NBAS: variants seen among roughly 807,000 people sequenced by gnomAD.
NBAS encodes the protein NAG/BC035112 fusion.
In NBAS, 219 loss-of-function variants were observed where a neutral mutation model predicts 302.5. The observed-to-expected ratio is 0.72, with a 90% CI of 0.65 to 0.81. The LOEUF (loss-of-function observed/expected upper bound fraction) is 0.81, where lower values mean the gene tolerates loss of function less well. Among genes scored for constraint, NBAS ranks in the 30% least tolerant of loss-of-function variants. NBAS has a pLI of 0.00. For synonymous variants in NBAS, 1,118 were observed against 1,021.6 expected (o/e 1.09, Z -1.80); for missense variants, 2,932 against 2,841.6 (o/e 1.03, Z -0.72).
At chr2:15,118,166 C>A in the NBAS span, among the ~76,000 whole-genome samples, 1 of 152,236 alleles carries the variant, frequency 6.6e-6, no homozygotes, top group South Asian at 2.1e-4. Context: ...GAGGCTCTAA[C>A]AGGGCTTGAA....
chr2:15,413,918 C>T (rs1449067033), intron 25 of NBAS, among the ~76,000 whole-genome samples: 2 of 152,144 alleles, frequency 1.3e-5, no homozygotes, highest in Non-Finnish European at 2.9e-5. Flanking sequence ...AAAAGGCACA[C>T]GCTAAATTGC....
chr2:15,324,581 C>A (rs972198414), intron 38 of NBAS, among the ~76,000 whole-genome samples: 1 of 152,164 alleles, frequency 6.6e-6, no homozygotes, highest in African/African-American at 2.4e-5. Flanking sequence ...CTCTACAATT[C>A]CAGTGCCTCT....
the NBAS span, among the ~76,000 whole-genome samples, chr2:14,786,885 T>G: frequency 6.6e-6 from 1 of 152,188 alleles, no homozygotes; most frequent in Non-Finnish European, 1.5e-5. Context: ...CTTGTTAACT[T>G]TCTGTCTCAT....
Position 15,475,796 on chromosome 2 carries a change from G to GT in NBAS, c.1231dup (p.Thr411AsnfsTer17), listed in dbSNP as rs1345177148. On this transcript the variant is annotated frameshift_variant, in exon 14 of 52. Coordinates refer to ENST00000281513, the MANE Select transcript of NBAS (RefSeq NM_015909.4). LOFTEE classifies it high-confidence loss of function. The stretch of plus-strand genomic sequence containing the variant: ...CTTCAAAGTTTTCACAGATGAAACA[G>GT]TTAAAGCACCAGAGCATCGAGCTAA... The GT allele has an allele frequency of 5.0e-6, 8 of 1,614,082 alleles. No individual in the cohort carries two copies. Among genetic ancestry groups the GT allele is most frequent in the Non-Finnish European group, 6.8e-6 (8 of 1,179,974 alleles).
the NBAS span, among the ~76,000 whole-genome samples, chr2:14,901,943 C>T: frequency 6.6e-6 from 1 of 152,216 alleles, no homozygotes; most frequent in Non-Finnish European, 1.5e-5. Context: ...CTTGGAAACA[C>T]CCATGGGATC....
the NBAS span, among the ~76,000 whole-genome samples, chr2:15,114,667 T>C: frequency 6.6e-6 from 1 of 152,048 alleles, no homozygotes; most frequent in African/African-American, 2.4e-5. Context: ...CTGGATACTC[T>C]GGGGGGAAGT....
intron 44 of NBAS, among the ~76,000 whole-genome samples, chr2:15,272,670 C>T (rs1669375164): frequency 6.6e-6 from 1 of 152,156 alleles, no homozygotes; most frequent in Admixed American, 6.6e-5. Flanking sequence ...AGTAGAAAAT[C>T]GCCTCTTGAG....
chr2:14,993,734 C>T, the NBAS span, among the ~76,000 whole-genome samples: 1 of 152,204 alleles, frequency 6.6e-6, no homozygotes, highest in African/African-American at 2.4e-5. Flanking sequence ...AACTCAAACA[C>T]TCCTAAATTT....
chr2:14,870,523 C>G, the NBAS span, among the ~76,000 whole-genome samples: 1 of 152,044 alleles, frequency 6.6e-6, no homozygotes, highest in Non-Finnish European at 1.5e-5. Flanking sequence ...ATTGCCTCAG[C>G]AGTGGGCCAA....
chr2:15,250,071 G>C (rs562500484), intron 44 of NBAS, among the ~76,000 whole-genome samples: 5 of 151,902 alleles, frequency 3.3e-5, no homozygotes, highest in Non-Finnish European at 7.4e-5. Flanking sequence ...TATACTACAA[G>C]GCTACAGTAA....
chr2:14,992,617 G>A, the NBAS span, among the ~76,000 whole-genome samples: 2 of 152,322 alleles, frequency 1.3e-5, no homozygotes, highest in East Asian at 3.9e-4. Flanking sequence ...CCAGGCTTGT[G>A]TGGAGTCAGC....
In NBAS at chr2:15,250,482, G is replaced by T. The variant is rs988180451; in HGVS notation, c.5725-11796C>A. 4.6e-5 allele frequency among the ~76,000 whole-genome samples: 7 copies of T among 152,278 alleles called. No homozygotes were observed. The South Asian group carries it at 1.0e-3, about 23-fold the overall frequency. ...ACAAATGGAATCTAACTAAACTAAA[G>T]AGCTTCTGCACAGCAAAAGAAACTA... On this transcript the variant is annotated intron_variant, in intron 44 of 51. Transcript: ENST00000281513.
the NBAS span, among the ~76,000 whole-genome samples, chr2:15,144,055 A>ATATATATTATCC: frequency 9.3e-5 from 13 of 140,344 alleles, no homozygotes; most frequent in South Asian, 9.3e-4. Context: ...AAAAATATAT[A>ATATATATTATCC]TATATATATA....
At chr2:15,371,978 T>C (rs982633178) in intron 31 of NBAS, among the ~76,000 whole-genome samples, 1 of 152,206 alleles carries the variant, frequency 6.6e-6, no homozygotes, top group Admixed American at 6.5e-5. Context: ...TTAGGCACTA[T>C]AAATGAACAG....
At chr2:15,489,946 C>T (rs1040965805) in intron 11 of NBAS, among the ~76,000 whole-genome samples, 1 of 152,314 alleles carries the variant, frequency 6.6e-6, no homozygotes, top group South Asian at 2.1e-4. Context: ...CAGCCCACAA[C>T]CATATCTCTT....
the NBAS span, among the ~76,000 whole-genome samples, chr2:14,998,711 C>T: frequency 1.3e-5 from 2 of 152,140 alleles, no homozygotes; most frequent in Non-Finnish European, 2.9e-5. Context: ...AAATGTGTCT[C>T]ACATACACAC....
the NBAS span, among the ~76,000 whole-genome samples, chr2:15,140,705 T>C: frequency 6.6e-6 from 1 of 152,220 alleles, no homozygotes; most frequent in Non-Finnish European, 1.5e-5. Flanking sequence ...GTGGATATGC[T>C]AGATGGGGTC....
the NBAS span, among the ~76,000 whole-genome samples, chr2:14,878,240 A>T: frequency 2.0e-5 from 3 of 152,156 alleles, no homozygotes; most frequent in African/African-American, 7.2e-5. Context: ...CTTAATGGGG[A>T]ATGTTCTCAA....
the NBAS span, among the ~76,000 whole-genome samples, chr2:14,862,467 A>G: frequency 1.3e-5 from 2 of 152,176 alleles, no homozygotes; most frequent in Non-Finnish European, 2.9e-5. Flanking sequence ...GTGGGTTAGC[A>G]TAATTTCTAG....
Sources: gnomAD v4.1 joint callset for allele counts (sites outside exome capture counted in the v4.1 genomes callset) on GRCh38, gnomAD v4.1.1 for gene constraint, MANE v1.5 for transcripts, NCBI Gene and HGNC (gene_info 2026-07-23, HGNC 2026-07-21) for gene names.